Variants in ANO3 observed in about 807,000 individuals in gnomAD.
ANO3 encodes anoctamin 3, also known as anoctamin-3.
A neutral mutation model predicts 144.8 loss-of-function variants in ANO3; 99 were observed. The observed-to-expected ratio is 0.68, with a 90% CI of 0.58 to 0.81. The LOEUF is 0.81. Ranked by LOEUF, ANO3 falls within the 30% of genes least tolerant of loss-of-function variation. The probability of loss-of-function intolerance (pLI) is 0.00; values close to 1 mark genes in which losing one functional copy is unlikely to be tolerated. For missense variants in ANO3, 905 were observed against 1,202.2 expected (o/e 0.75, Z 3.66); for synonymous variants, 414 against 392.6 (o/e 1.05, Z -0.64).
chr11:26,438,630 T>C (rs994815376), intron 1 of ANO3, among the ~76,000 whole-genome samples: 1 of 76,612 alleles, frequency 1.3e-5, no homozygotes, highest in Admixed American at 1.2e-4. Context: ...AAAAAGAAAA[T>C]AGCCAGGCAT....
chr11:26,431,598 A>G (rs1485514270), intron 1 of ANO3, among the ~76,000 whole-genome samples: 1 of 152,044 alleles, frequency 6.6e-6, no homozygotes, highest in African/African-American at 2.4e-5. Context: ...GTTCCCTTCT[A>G]TATGTCCATG....
intron 1 of ANO3, among the ~76,000 whole-genome samples, chr11:26,277,073 C>CT (rs1853574676): frequency 6.6e-6 from 1 of 152,054 alleles, no homozygotes; most frequent in African/African-American, 2.4e-5. Flanking sequence ...CCTTCATTTA[C>CT]TTGGGGGCAG....
chr11:26,298,198 C>A (rs559025100), intron 1 of ANO3, among the ~76,000 whole-genome samples: 27 of 152,190 alleles, frequency 1.8e-4, no homozygotes, highest in African/African-American at 5.8e-4. Flanking sequence ...GGAGCTTGCC[C>A]AAATTCCTTC....
intron 4 of ANO3, among the ~76,000 whole-genome samples, chr11:26,468,962 T>C (rs16915692): frequency 0.073 from 11,096 of 152,012 alleles, 684 homozygotes; most frequent in African/African-American, 0.17. Flanking sequence ...AAACATGGGT[T>C]ACACAGAAAA....
intron 1 of ANO3, among the ~76,000 whole-genome samples, chr11:26,251,539 C>T (rs1385506264): frequency 2.0e-5 from 3 of 152,158 alleles, no homozygotes; most frequent in Admixed American, 1.3e-4. Flanking sequence ...ATCTGTTTCT[C>T]TGCATTTATT....
At chr11:26,418,116 G>T (rs1857645533) in intron 1 of ANO3, among the ~76,000 whole-genome samples, 1 of 151,952 alleles carries the variant, frequency 6.6e-6, no homozygotes, top group Non-Finnish European at 1.5e-5. Context: ...TCAGCCTTTG[G>T]CACAGCATGG....
At chr11:26,511,154 G>GCTAC (rs1861648997) in intron 5 of ANO3, among the ~76,000 whole-genome samples, 1 of 152,156 alleles carries the variant, frequency 6.6e-6, no homozygotes, top group Non-Finnish European at 1.5e-5. Flanking sequence ...CCTGCAAACT[G>GCTAC]CTACCATTGT....
chr11:26,472,299 A>C (rs1859811263), intron 4 of ANO3, among the ~76,000 whole-genome samples: 1 of 151,986 alleles, frequency 6.6e-6, no homozygotes, highest in South Asian at 2.1e-4. Context: ...AATATTAATA[A>C]TAATAATGTT....
At chr11:26,531,445 A>G in intron 8 of ANO3, 109 bp downstream of exon 8, 1 of 1,269,134 alleles carries the variant, frequency 7.9e-7, no homozygotes, top group Non-Finnish European at 1.1e-6. Context: ...TACGTCAGAG[A>G]ACTTATCATT....
rs1851587793 is a variant in ANO3 at position 26,595,462 on chromosome 11, T to TTTTTTTTG, written c.1448-2896_1448-2895insGTTTTTTT. Among the ~76,000 whole-genome samples the TTTTTTTTG allele has an allele frequency of 4.3e-5, 3 of 70,146 alleles. 1 individual carries two copies. The highest frequency in any genetic ancestry group is 1.3e-4 in the African/African-American group (3 of 22,288). The allele number at this position is 70,146 out of a possible 152,430, so 46.0% of individuals were successfully genotyped here. ...TGACTCAGTATTGAGATAGAGTTGTTTTTTTTTTTTTTTTTTTTTTTTTTT... is the reference window on the plus strand; with the variant it reads ...TGACTCAGTATTGAGATAGAGTTGTTTTTTTTTGTTTTTTTTTTTTTTTTTTTTTTTTT... On this transcript the variant is annotated intron_variant, in intron 14 of 26. Coordinates refer to ENST00000256737, the MANE Select transcript of ANO3 (RefSeq NM_031418.4).
intron 3 of ANO3, among the ~76,000 whole-genome samples, chr11:26,453,009 C>A (rs541142099): frequency 0.011 from 1,731 of 152,052 alleles, 17 homozygotes; most frequent in Non-Finnish European, 0.018. Flanking sequence ...AAATAAAATA[C>A]TTTACAGACA....
At chr11:26,281,076 G>T (rs1233907092) in intron 1 of ANO3, among the ~76,000 whole-genome samples, 2 of 152,086 alleles carry the variant, frequency 1.3e-5, no homozygotes, top group Non-Finnish European at 2.9e-5. Flanking sequence ...CATTAAAAGT[G>T]CTTTTCATAT....
intron 1 of ANO3, among the ~76,000 whole-genome samples, chr11:26,378,419 T>TATC (rs1564991782): frequency 0.024 from 3,542 of 144,736 alleles, 149 homozygotes; most frequent in African/African-American, 0.083. Flanking sequence ...TATATATTAT[T>TATC]TATCTATCTA....
Position 26,538,191 on chromosome 11 carries a change from A to G in ANO3, c.1032+730A>G, listed in dbSNP as rs951482014. On this transcript the variant is annotated intron_variant, in intron 10 of 26. Transcript: ENST00000256737. ...ATTGGCAGTGACGTAAATGTTTTAT[A>G]TGGATTGTCTCATTTAATCCTTGCA... is the stretch of plus-strand genomic sequence containing the variant. Among the ~76,000 whole-genome samples the G allele has an allele frequency of 2.0e-5, 3 of 152,352 alleles. No homozygotes were observed. In the South Asian group the frequency reaches 6.2e-4, roughly 32 times the overall value.
chr11:26,247,166 G>A (rs941353616), intron 1 of ANO3, among the ~76,000 whole-genome samples: 2 of 152,100 alleles, frequency 1.3e-5, no homozygotes, highest in African/African-American at 4.8e-5. Context: ...TCCTCACACT[G>A]AGATTAAAAG....
At chr11:26,525,576 C>A in intron 6 of ANO3, 59 bp from the exon 7 acceptor site, 1 of 1,341,886 alleles carries the variant, frequency 7.5e-7, no homozygotes, top group Non-Finnish European at 1.1e-6. Context: ...TGTTGTCACT[C>A]ACTCGTATCA....
rs576729432 is a variant in ANO3 at position 26,642,342 on chromosome 11, CTTTTTTTTTTTTTTT to C, written c.2275+322_2275+336del. Among the ~76,000 whole-genome samples the C allele has an allele frequency of 1.9e-3, 175 of 93,072 alleles. 1 individual carries two copies. The highest frequency in any genetic ancestry group is 6.4e-3 in the African/African-American group (154 of 23,890). 61.1% of individuals were successfully genotyped at this position (93,072 alleles called of 152,430 possible). A position where few individuals can be genotyped will look rare whatever the true frequency, so the allele number is the denominator to read the frequency against. On this transcript the variant is annotated intron_variant, in intron 22 of 26. Coordinates refer to ENST00000256737, the MANE Select transcript of ANO3 (RefSeq NM_031418.4). ...TCTTTTCCTTTTTCTTTCTTTCTTT[CTTTTTTTTTTTTTTT>C]TTTTTTTTGAGACAGTGTCTTGCTT...
chr11:26,421,757 A>G (rs1438421255), intron 1 of ANO3, among the ~76,000 whole-genome samples: 3 of 152,078 alleles, frequency 2.0e-5, no homozygotes. Flanking sequence ...ATGGAATACC[A>G]TGCAACTATA....
At chr11:26,432,595 G>T (rs144885875) in intron 1 of ANO3, among the ~76,000 whole-genome samples, 1 of 151,990 alleles carries the variant, frequency 6.6e-6, no homozygotes, top group Non-Finnish European at 1.5e-5. Context: ...ATAAGGAAGG[G>T]GTCCAGTTTC....
Sources: allele counts gnomAD v4.1 joint callset (sites outside exome capture counted in the v4.1 genomes callset), GRCh38; gene constraint gnomAD v4.1.1; transcripts MANE v1.5; gene names NCBI Gene and HGNC (gene_info 2026-07-23, HGNC 2026-07-21).